TEAD2: variants seen among roughly 807,000 people sequenced by gnomAD.
The protein encoded by TEAD2 is transcriptional enhancer factor TEF-4.
In TEAD2, 51 loss-of-function variants were observed where a neutral mutation model predicts 61.4. The observed-to-expected ratio is 0.83, with a 90% confidence interval of 0.66 to 1.05. TEAD2 has a LOEUF of 1.05. Among genes scored for constraint, TEAD2 ranks in the 50% least tolerant of loss-of-function variants. The probability of loss-of-function intolerance (pLI) is 0.00; values close to 1 mark genes in which losing one functional copy is unlikely to be tolerated. For missense variants in TEAD2, 509 were observed against 600.0 expected, an observed-to-expected ratio of 0.85 and a Z score of 1.58; for synonymous variants, 244 against 243.2, an observed-to-expected ratio of 1.00 and a Z score of -0.03.
intron 9 of TEAD2, among the ~76,000 whole-genome samples, chr19:49,348,472 A>C (rs1971790451): frequency 6.9e-6 from 1 of 144,386 alleles, no homozygotes; most frequent in Non-Finnish European, 1.5e-5. Flanking sequence ...AGTAGTTCTC[A>C]AAGTACGGTC....
In TEAD2 at chr19:49,341,549, GA is replaced by G; in HGVS notation, c.1243-113del. 1.2e-6 allele frequency: 1 copy of G among 820,410 alleles called. No individual in the cohort carries two copies. The highest frequency in any genetic ancestry group is 1.5e-5 in the South Asian group (1 of 65,678). The allele number at this position is 820,410 out of a possible 1,614,324, so 50.8% of individuals were successfully genotyped here. The stretch of plus-strand genomic sequence containing the variant: ...CCAGCAGGCTCTTTTCCATCTCCAG[GA>G]AACAGGCCGCCACCATATCATGTTC... On this transcript the variant is annotated intron_variant, in intron 12 of 12. Transcript: ENST00000593945. The surrounding 1 kb of genome is among the most constrained non-coding windows in gnomAD (Gnocchi z 4.2).
At position 49,341,082 on chromosome 19, in the gene TEAD2, C is replaced by A; in HGVS notation, c.*242G>T. ...GATACTCCGGAGTGATCTGTCCTTT[C>A]AGACACCCACTGTGAGGTCCCAATA... On this transcript the variant is annotated 3_prime_UTR_variant, in exon 13 of 13. Coordinates refer to ENST00000593945, the MANE Select transcript of TEAD2 (RefSeq NM_001256660.2). The surrounding 1 kb of genome is among the most constrained non-coding windows in gnomAD (Gnocchi z 4.2). The A allele has an allele frequency of 4.2e-6, 2 of 475,830 alleles. No individual in the cohort carries two copies. Among genetic ancestry groups the A allele is most frequent in the South Asian group, 2.4e-5 (1 of 40,932 alleles). The allele number at this position is 475,830 out of a possible 1,614,324, so 29.5% of individuals were successfully genotyped here.
chr19:49,343,451 T>C (rs1388207864), intron 10 of TEAD2, 53 bp from the exon 11 acceptor site: 12 of 1,535,328 alleles, frequency 7.8e-6, no homozygotes, highest in Non-Finnish European at 1.0e-5. Flanking sequence ...TTATAAACAG[T>C]GGGGACTACC....
In TEAD2 at chr19:49,348,820, T is replaced by G; in HGVS notation, c.630A>C (p.Ser210=). The G allele has an allele frequency of 3.8e-6, 6 of 1,588,118 alleles. No homozygotes were observed. Among genetic ancestry groups the G allele is most frequent in the Non-Finnish European group, 5.1e-6 (6 of 1,170,534 alleles). Residue 210 remains serine, a synonymous_variant, in exon 9 of 13, where the codon TCA becomes TCC. Coordinates refer to ENST00000593945, the MANE Select transcript of TEAD2 (RefSeq NM_001256660.2). Reference sequence around the variant, plus strand: ...GCGATGGGGTAGGTGGGGGCAGGGGTGAGAGGGCTTGGGGGGGCTCGTACC... The same window carrying G: ...GCGATGGGGTAGGTGGGGGCAGGGGGGAGAGGGCTTGGGGGGGCTCGTACC... The part of the protein sequence containing the change: ...LPGYEPPQAL[S]PLPPPTPSPP...
At position 49,356,725 on chromosome 19, in the gene TEAD2, T is replaced by C. The variant is rs554703362; in HGVS notation, c.360+527A>G. On this transcript the variant is annotated intron_variant, in intron 4 of 12. Transcript: ENST00000593945. ...AGGGAAGGGAGGGGGACAGGAACAGTGGTCAAGGGAGGGGACCGACGGCCC... is the reference window on the plus strand; with the variant it reads ...AGGGAAGGGAGGGGGACAGGAACAGCGGTCAAGGGAGGGGACCGACGGCCC... Among the ~76,000 whole-genome samples the C allele has an allele frequency of 1.8e-3, 273 of 152,006 alleles. 4 individuals carry two copies. The highest frequency in any genetic ancestry group is 6.2e-3 in the African/African-American group (256 of 41,444).
At chr19:49,347,043 G>T in intron 10 of TEAD2, 147 bp downstream of exon 10, 1 of 1,136,930 alleles carries the variant, frequency 8.8e-7, no homozygotes, top group Non-Finnish European at 1.2e-6. Flanking sequence ...TTGTTGCAAA[G>T]GGGGCTGACA....
At chr19:49,361,045 A>AC (rs532318113) in intron 1 of TEAD2, among the ~76,000 whole-genome samples, 3 of 62,800 alleles carry the variant, frequency 4.8e-5, no homozygotes, top group African/African-American at 1.6e-4. Flanking sequence ...GGGGACAGAG[A>AC]CCAGAGAGGG....
chr19:49,355,778 G>T (rs537277068), intron 5 of TEAD2, among the ~76,000 whole-genome samples, 181 bp downstream of exon 5: 1 of 150,812 alleles, frequency 6.6e-6, no homozygotes, highest in Non-Finnish European at 1.5e-5. Flanking sequence ...AGTGAGTGGA[G>T]ATCGTGCCCC....
intron 3 of TEAD2, 164 bp from the exon 4 acceptor site, chr19:49,357,478 TA>T: frequency 1.4e-6 from 1 of 733,928 alleles, no homozygotes; most frequent in Non-Finnish European, 2.3e-6. Context: ...CAGATGTCCA[TA>T]AAGGAGCTCG....
At chr19:49,361,472 G>A (rs920212310) in intron 1 of TEAD2, 4 of 152,568 alleles carry the variant, frequency 2.6e-5, no homozygotes, top group African/African-American at 9.7e-5. Flanking sequence ...CCACAAGCTG[G>A]GGGACAGGGG....
chr19:49,354,969 T>A (rs772546426), intron 7 of TEAD2, among the ~76,000 whole-genome samples, 179 bp downstream of exon 7: 4 of 152,072 alleles, frequency 2.6e-5, no homozygotes, highest in Non-Finnish European at 5.9e-5. Context: ...CTGTACTCCA[T>A]CCAGCCTGGG....
chr19:49,351,477 C>CACAGGG, intron 7 of TEAD2, 112 bp from the exon 8 acceptor site: 1 of 978,632 alleles, frequency 1.0e-6, no homozygotes, highest in Non-Finnish European at 1.5e-6. Context: ...TGTGCACAAT[C>CACAGGG]TCACTGAAGC....
At chr19:49,355,497 G>T in intron 5 of TEAD2, 78 bp from the exon 6 acceptor site, 1 of 1,256,260 alleles carries the variant, frequency 8.0e-7, no homozygotes, top group Non-Finnish European at 1.1e-6. Flanking sequence ...CCAGGGTGGG[G>T]TGAAGACGGG....
rs377308115 is a variant in TEAD2, at chr19:49,359,521, A to G, written c.233-22T>C. On this transcript the variant is annotated intron_variant, in intron 2 of 12. Transcript: ENST00000593945. The surrounding 1 kb of genome is among the most constrained non-coding windows in gnomAD (Gnocchi z 4.1). ...CGACCTGAAGATTCAAAGACGGAAC[A>G]GAGTTAGTTAGACTTTCAACAGAAC... 3 of 1,613,168 alleles carry G rather than the reference A, an allele frequency of 1.9e-6. No individual in the cohort carries two copies. Among genetic ancestry groups the G allele is most frequent in the African/African-American group, 2.7e-5 (2 of 74,872 alleles).
Position 49,351,608 on chromosome 19 carries a change from G to A in TEAD2, c.540-243C>T, listed in dbSNP as rs1182894977. 4.6e-5 allele frequency among the ~76,000 whole-genome samples: 7 copies of A among 152,064 alleles called. No homozygotes were observed. In the East Asian group the frequency reaches 1.3e-3, roughly 29 times the overall value. On this transcript the variant is annotated intron_variant, in intron 7 of 12. Coordinates refer to ENST00000593945, the MANE Select transcript of TEAD2 (RefSeq NM_001256660.2). ...ACACAGTTGAGATGCAGCAGAGCTG[G>A]GACTTGAACCCAGGTCAGTCTCAGC...
intron 1 of TEAD2, chr19:49,361,420 C>CAGAGAG (rs1972924918): frequency 6.5e-6 from 1 of 153,312 alleles, no homozygotes; most frequent in African/African-American, 2.4e-5. Context: ...GACAGAGACT[C>CAGAGAG]AGGGCAGCAG....
At chr19:49,347,546 TG>T in intron 9 of TEAD2, 183 bp from the exon 10 acceptor site, 1 of 631,922 alleles carries the variant, frequency 1.6e-6, no homozygotes, top group Non-Finnish European at 2.7e-6. Context: ...CCCAGTCCCC[TG>T]CAGCCCTGCA....
chr19:49,349,407 G>A (rs1163810401), intron 8 of TEAD2, among the ~76,000 whole-genome samples: 1 of 151,484 alleles, frequency 6.6e-6, no homozygotes, highest in Non-Finnish European at 1.5e-5. Context: ...GGGTTGCAGT[G>A]AGCCGAGATT....
Position 49,360,033 on chromosome 19 carries a change from C to G in TEAD2, c.43G>C (p.Gly15Arg). Residue 15 changes from glycine to arginine, a missense_variant, in exon 2 of 13, where the codon GGC (glycine) becomes CGC (arginine). Physicochemically the swap from Gly to Arg is moderately radical, Grantham distance 125 (BLOSUM62 -2). Coordinates refer to ENST00000593945, the MANE Select transcript of TEAD2 (RefSeq NM_001256660.2). ...CTGCCTTCCTCACTGCCCGTCCAGC[C>G]GCTGCCATCGTCCAGGGCGGCCCCA... ...RAGAALDDGSGWTGSEEGSEE... is the reference protein window; with the variant it reads ...RAGAALDDGSRWTGSEEGSEE... 2 of 1,608,532 alleles carry G rather than the reference C, an allele frequency of 1.2e-6. No individual in the cohort carries two copies. The highest frequency in any genetic ancestry group is 1.7e-6 in the Non-Finnish European group (2 of 1,179,888).
Sources: allele counts gnomAD v4.1 joint callset (sites outside exome capture counted in the v4.1 genomes callset), GRCh38; gene constraint gnomAD v4.1.1; non-coding constraint Gnocchi (gnomAD v3.1); transcripts MANE v1.5; gene names NCBI Gene and HGNC (gene_info 2026-07-23, HGNC 2026-07-21).